Variants in GALNT8 observed in about 807,000 individuals in gnomAD.
GALNT8 encodes the protein polypeptide N-acetylgalactosaminyltransferase 8.
In GALNT8, 66 loss-of-function variants were observed where a neutral mutation model predicts 62.7. The observed-to-expected ratio is 1.05, with a 90% CI of 0.86 to 1.29. GALNT8 has a LOEUF of 1.29. Ranked by LOEUF, GALNT8 falls within the 50% of genes most tolerant of loss-of-function variation. The probability of loss-of-function intolerance (pLI) is 0.00; values close to 1 mark genes in which losing one functional copy is unlikely to be tolerated. For missense variants in GALNT8, 771 were observed against 791.8 expected (o/e 0.97, Z 0.32); for synonymous variants, 288 against 294.3 (o/e 0.98, Z 0.22).
intron 6 of GALNT8, among the ~76,000 whole-genome samples, chr12:4,758,629 TGTGTGTGTGAGAGAGAGAGA>T (rs1565388571): frequency 1.9e-5 from 2 of 104,490 alleles, no homozygotes; most frequent in Non-Finnish European, 2.1e-5. Context: ...TGTGTGTGTG[TGTGTGTGTGAGAGAGAGAGA>T]GAGAGAGAGA....
chr12:4,743,498 T>C (rs1946281273), intron 3 of GALNT8, among the ~76,000 whole-genome samples: 1 of 152,156 alleles, frequency 6.6e-6, no homozygotes, highest in Non-Finnish European at 1.5e-5. Context: ...AATATGCTCG[T>C]CTTTTGAGAG....
At chr12:4,739,115 T>A in intron 2 of GALNT8, 48 bp from the exon 3 acceptor site, 1 of 1,174,188 alleles carries the variant, frequency 8.5e-7, no homozygotes, top group Non-Finnish European at 1.2e-6. Context: ...ATAGCAGTGT[T>A]GAAGTAATTA....
In GALNT8 at chr12:4,772,559, C is replaced by A. The variant is rs1213919958; in HGVS notation, c.1876C>A (p.His626Asn). 1 of 1,613,908 alleles carries A rather than the reference C, an allele frequency of 6.2e-7. No homozygotes were observed. The change falls in exon 11 of 11, where the codon CAC (histidine) becomes AAC (asparagine). Residue 626 changes from histidine to asparagine, a missense_variant. Coordinates refer to ENST00000252318, the MANE Select transcript of GALNT8 (RefSeq NM_017417.2). ...TCSTQVWEIQHTVRDWGQTNS... is the reference protein window; with the variant it reads ...TCSTQVWEIQNTVRDWGQTNS... The stretch of plus-strand genomic sequence containing the variant: ...TAGCACGCAAGTGTGGGAAATCCAG[C>A]ACACTGTCAGAGACTGGGGTCAGAC...
At chr12:4,747,853 C>T (rs1294686083) in intron 6 of GALNT8, among the ~76,000 whole-genome samples, 5 of 151,808 alleles carry the variant, frequency 3.3e-5, no homozygotes, top group African/African-American at 1.2e-4. Context: ...GACGAGGGTT[C>T]CCTTTTCTCC....
At chr12:4,762,828 A>G (rs1249066617) in intron 7 of GALNT8, among the ~76,000 whole-genome samples, 1 of 152,272 alleles carries the variant, frequency 6.6e-6, no homozygotes, top group Non-Finnish European at 1.5e-5. Context: ...TAGCTGAGCA[A>G]TGAATGATTC....
chr12:4,736,462 C>T (rs567605665), intron 2 of GALNT8, among the ~76,000 whole-genome samples: 8 of 152,186 alleles, frequency 5.3e-5, no homozygotes, highest in African/African-American at 1.9e-4. Context: ...ATTGCAGCCT[C>T]CATGCCACAT....
At chr12:4,758,629 TGTGTGTGTGAGAGAGA>T (rs774299183) in intron 6 of GALNT8, among the ~76,000 whole-genome samples, 71 of 104,520 alleles carry the variant, frequency 6.8e-4, no homozygotes, top group Admixed American at 1.5e-3. Flanking sequence ...TGTGTGTGTG[TGTGTGTGTGAGAGAGA>T]GAGAGAGAGA....
rs777097267 is a variant in GALNT8 at position 4,745,463 on chromosome 12, C to T, written c.895C>T (p.Arg299Cys). The change falls in exon 5 of 11, where the codon CGC (arginine) becomes TGC (cysteine). Residue 299 changes from arginine to cysteine, a missense_variant. Arg to Cys is a radical substitution (Grantham distance 180). Transcript: ENST00000252318. The stretch of plus-strand genomic sequence containing the variant: ...AATCTTGGCTCGGATTCAGGAGGAC[C>T]GCACTGTGATTGTGTCTCCTGTGTT... Reference protein sequence around the residue: ...EPILARIQEDRTVIVSPVFDN... With the variant: ...EPILARIQEDCTVIVSPVFDN... 8.7e-6 allele frequency: 14 copies of T among 1,612,628 alleles called. No homozygotes were observed. Among genetic ancestry groups the T allele is most frequent in the Admixed American group, 1.7e-5 (1 of 60,004 alleles).
Position 4,772,476 on chromosome 12 carries a change from G to A in GALNT8, c.1793G>A (p.Arg598Gln), listed in dbSNP as rs1374451872. 15 of 1,613,800 alleles carry A rather than the reference G, an allele frequency of 9.3e-6. No homozygotes were observed. In the Middle Eastern group the frequency reaches 4.9e-4, roughly 53 times the overall value. Residue 598 changes from arginine to glutamine, a missense_variant, in exon 11 of 11, where the codon CGG becomes CAG. Physicochemically the swap from Arg to Gln is conservative, Grantham distance 43. Coordinates refer to ENST00000252318, the MANE Select transcript of GALNT8 (RefSeq NM_017417.2). Reference protein sequence around the residue: ...GGAVINRDTKRCLEMKKDLLG... With the variant: ...GGAVINRDTKQCLEMKKDLLG... ...GCTGTCATAAACAGAGATACCAAGC[G>A]GTGTCTGGAGATGAAGAAGGATCTT...
intron 6 of GALNT8, among the ~76,000 whole-genome samples, chr12:4,755,998 A>C (rs945839571): frequency 1.3e-5 from 2 of 152,214 alleles, no homozygotes; most frequent in African/African-American, 4.8e-5. Flanking sequence ...AAATGGGACC[A>C]TGTGAAGTCT....
At chr12:4,747,629 T>G (rs1250570797) in intron 6 of GALNT8, among the ~76,000 whole-genome samples, 1 of 152,234 alleles carries the variant, frequency 6.6e-6, no homozygotes, top group African/African-American at 2.4e-5. Context: ...GATGGACACT[T>G]AGATTGCTTC....
At position 4,720,768 on chromosome 12, in the gene GALNT8, G is replaced by A; in HGVS notation, c.91G>A (p.Gly31Arg). The A allele has an allele frequency of 1.2e-6, 2 of 1,613,042 alleles. No individual in the cohort carries two copies. The highest frequency in any genetic ancestry group is 1.7e-6 in the Non-Finnish European group (2 of 1,178,996). The change falls in exon 1 of 11, where the codon GGG becomes AGG. Residue 31 changes from glycine (G) to arginine (R), a missense_variant. Physicochemically the swap from Gly to Arg is moderately radical, Grantham distance 125 (BLOSUM62 -2). Coordinates refer to ENST00000252318, the MANE Select transcript of GALNT8 (RefSeq NM_017417.2). ...TCTCCTTCTGGTATTTTCTAGCAAG[G>A]GGACTTTACAAAACCTGTTTACGGG... ...VNLLLVFSSK[G>R]TLQNLFTGGL... is the part of the protein sequence containing the mutation.
chr12:4,764,086 C>A (rs938524671), intron 9 of GALNT8, 39 bp downstream of exon 9: 6 of 1,120,504 alleles, frequency 5.4e-6, no homozygotes, highest in South Asian at 1.2e-5. Flanking sequence ...CTGGGCAAGT[C>A]TGTCGTGGCT....
chr12:4,732,464 A>G (rs1419870682), intron 2 of GALNT8, among the ~76,000 whole-genome samples: 16 of 42,570 alleles, frequency 3.8e-4, no homozygotes, highest in African/African-American at 1.3e-3. Flanking sequence ...TTAAATGTAA[A>G]TTAATTAAAA....
intron 3 of GALNT8, among the ~76,000 whole-genome samples, chr12:4,740,277 G>T (rs1946266096): frequency 6.6e-6 from 1 of 152,032 alleles, no homozygotes; most frequent in Non-Finnish European, 1.5e-5. Flanking sequence ...TAGGTCCTTG[G>T]GTAACTCAAC....
chr12:4,742,625 G>T (rs1347557027), intron 3 of GALNT8, among the ~76,000 whole-genome samples: 2 of 152,154 alleles, frequency 1.3e-5, no homozygotes, highest in African/African-American at 4.8e-5. Flanking sequence ...GTGGGGTGTG[G>T]TGATCTAAGG....
At chr12:4,734,014 G>A (rs1439389448) in intron 2 of GALNT8, among the ~76,000 whole-genome samples, 1 of 152,146 alleles carries the variant, frequency 6.6e-6, no homozygotes, top group African/African-American at 2.4e-5. Context: ...ATGACAACAA[G>A]AACAAAAATA....
chr12:4,757,938 A>G (rs1287461380), intron 6 of GALNT8, among the ~76,000 whole-genome samples: 2 of 152,206 alleles, frequency 1.3e-5, no homozygotes, highest in Non-Finnish European at 2.9e-5. Context: ...CAATTCTTCA[A>G]CTTAAGACCC....
rs1395340304 is a variant in GALNT8 at position 4,772,526 on chromosome 12, C to T, written c.1843C>T (p.Gln615Ter). The change falls in exon 11 of 11, where the codon CAG becomes TAG. Residue 615 changes from glutamine (Q) to a stop codon, truncating the protein, a stop_gained. Transcript: ENST00000252318. LOFTEE classifies it low-confidence loss of function (END_TRUNC). Reference sequence around the variant, plus strand: ...TTTGGGTAGCCACGTGCTTGTGCTCCAGACCTGTAGCACGCAAGTGTGGGA... The same window carrying T: ...TTTGGGTAGCCACGTGCTTGTGCTCTAGACCTGTAGCACGCAAGTGTGGGA... ...DLLGSHVLVL[Q>*]TCSTQVWEIQ... is the part of the protein sequence containing the mutation. 24 of 1,613,698 alleles carry T rather than the reference C, an allele frequency of 1.5e-5. No individual in the cohort carries two copies. Among genetic ancestry groups the T allele is most frequent in the Non-Finnish European group, 1.8e-5 (21 of 1,179,720 alleles).
Sources: gnomAD v4.1 joint callset for allele counts (sites outside exome capture counted in the v4.1 genomes callset) on GRCh38, gnomAD v4.1.1 for gene constraint, MANE v1.5 for transcripts, NCBI Gene and HGNC (gene_info 2026-07-23, HGNC 2026-07-21) for gene names.